GLIS3: variants seen among roughly 807,000 people sequenced by gnomAD.
GLIS3 encodes zinc finger protein GLIS3.
A neutral mutation model predicts 78.6 loss-of-function variants in GLIS3; 53 were observed. The ratio of observed to expected loss-of-function variants is 0.67; its 90% CI spans 0.54 to 0.85. The LOEUF (loss-of-function observed/expected upper bound fraction) is 0.85, where lower values mean the gene tolerates loss of function less well. Among genes scored for constraint, GLIS3 ranks in the 40% least tolerant of loss-of-function variants. The probability of loss-of-function intolerance (pLI) is 0.00; values close to 1 mark genes in which losing one functional copy is unlikely to be tolerated. For missense variants in GLIS3, 1,703 were observed against 1,231.1 expected, an observed-to-expected ratio of 1.38 and a Z score of -5.74; for synonymous variants, 684 against 509.9, an observed-to-expected ratio of 1.34 and a Z score of -4.60.
chr9:4,382,497 C>G, the GLIS3 span, among the ~76,000 whole-genome samples: 8 of 152,198 alleles, frequency 5.3e-5, no homozygotes, highest in East Asian at 5.8e-4. Context: ...TTACCTCACA[C>G]AAACATCATC....
At chr9:4,318,197 G>C (rs908136575) in intron 2 of GLIS3, among the ~76,000 whole-genome samples, 5 of 152,140 alleles carry the variant, frequency 3.3e-5, no homozygotes, top group Non-Finnish European at 5.9e-5. Context: ...TACAATGATG[G>C]AAAGTGGGGA....
In GLIS3 at chr9:4,159,279, T is replaced by A. The variant is rs369243560; in HGVS notation, c.389-33338A>T. The stretch of plus-strand genomic sequence containing the variant: ...GGGTCATATGTGAAACACTGGAGAG[T>A]TTTCTCGCATTTTGTACAATCTCTG... On this transcript the variant is annotated intron_variant, in intron 2 of 10. Coordinates refer to ENST00000381971, the MANE Select transcript of GLIS3 (RefSeq NM_001042413.2). Among the ~76,000 whole-genome samples the A allele has an allele frequency of 6.0e-5, 9 of 151,142 alleles. No individual in the cohort carries two copies. In the East Asian group the frequency reaches 1.6e-3, roughly 26 times the overall value.
chr9:4,119,024 G>T, intron 3 of GLIS3, 143 bp from the exon 4 acceptor site: 1 of 893,494 alleles, frequency 1.1e-6, no homozygotes, highest in Non-Finnish European at 1.7e-6. Context: ...ACACATTCTT[G>T]GGCTAAGATA....
intron 2 of GLIS3, among the ~76,000 whole-genome samples, chr9:4,328,149 T>C (rs948851361): frequency 6.6e-6 from 1 of 152,142 alleles, no homozygotes; most frequent in Non-Finnish European, 1.5e-5. Context: ...GGGGATCCAG[T>C]GCCAGTAAGT....
intron 2 of GLIS3, among the ~76,000 whole-genome samples, chr9:4,277,564 CTG>C (rs1356185550): frequency 3.3e-5 from 5 of 151,954 alleles, no homozygotes; most frequent in Non-Finnish European, 7.4e-5. Flanking sequence ...TGATATTATT[CTG>C]TCTTTTTTGT....
At chr9:4,002,654 C>T (rs1821204460) in intron 4 of GLIS3, among the ~76,000 whole-genome samples, 1 of 152,156 alleles carries the variant, frequency 6.6e-6, no homozygotes, top group East Asian at 1.9e-4. Context: ...GTCTTGCTGC[C>T]TCATTCTGCA....
intron 2 of GLIS3, among the ~76,000 whole-genome samples, chr9:4,149,163 C>T (rs1834470851): frequency 6.6e-6 from 1 of 152,170 alleles, no homozygotes; most frequent in Non-Finnish European, 1.5e-5. Flanking sequence ...TTCATCTATA[C>T]ATTAAAAATG....
the GLIS3 span, among the ~76,000 whole-genome samples, chr9:4,402,888 T>C: frequency 6.6e-6 from 1 of 151,776 alleles, no homozygotes; most frequent in East Asian, 1.9e-4. Context: ...GAAATAGGGG[T>C]AGAAAATTTA....
chr9:4,340,668 C>T lies in GLIS3; in HGVS notation n.264+6413G>A, dbSNP rs1020766885. On this transcript the variant is annotated intron_variant and non_coding_transcript_variant, in intron 2 of 4. Coordinates refer to the GLIS3 transcript ENST00000471664. Reference sequence around the variant, plus strand: ...TGAACCTGGAGACCGTTGTCGGAACCAGATCCCACCTGATTCTTGTTTTTG... The same window carrying T: ...TGAACCTGGAGACCGTTGTCGGAACTAGATCCCACCTGATTCTTGTTTTTG... Among the ~76,000 whole-genome samples the T allele has an allele frequency of 2.0e-5, 3 of 152,108 alleles. No homozygotes were observed. The South Asian group carries it at 6.2e-4, about 32-fold the overall frequency.
chr9:4,139,679 G>T (rs998863874), intron 2 of GLIS3, among the ~76,000 whole-genome samples: 3 of 151,408 alleles, frequency 2.0e-5, no homozygotes, highest in Non-Finnish European at 4.4e-5. Context: ...GGTGGGCACG[G>T]TTGGGTGGGG....
At chr9:4,367,648 A>AG in the GLIS3 span, among the ~76,000 whole-genome samples, 1 of 151,350 alleles carries the variant, frequency 6.6e-6, no homozygotes, top group Non-Finnish European at 1.5e-5. Context: ...AAAAAAAAAA[A>AG]AAAAAAAAAA....
chr9:4,221,681 G>A (rs1821341444), intron 2 of GLIS3, among the ~76,000 whole-genome samples: 1 of 152,108 alleles, frequency 6.6e-6, no homozygotes, highest in Non-Finnish European at 1.5e-5. Context: ...TTACCAGGGG[G>A]TTATACCAGA....
chr9:3,888,480 T>A (rs1822221871), intron 7 of GLIS3, among the ~76,000 whole-genome samples: 1 of 152,178 alleles, frequency 6.6e-6, no homozygotes, highest in African/African-American at 2.4e-5. Flanking sequence ...CTAGCCAAAG[T>A]CAAGGGATGA....
intron 2 of GLIS3, among the ~76,000 whole-genome samples, chr9:4,137,552 C>T (rs1021697506): frequency 6.7e-6 from 1 of 150,182 alleles, no homozygotes; most frequent in African/African-American, 2.5e-5. Flanking sequence ...CATGGAGCCT[C>T]AATCTTGCTC....
At chr9:3,836,911 TGTTA>T (rs1225638277) in intron 9 of GLIS3, among the ~76,000 whole-genome samples, 6 of 152,174 alleles carry the variant, frequency 3.9e-5, no homozygotes, top group African/African-American at 9.7e-5. Context: ...GCATTCTGCT[TGTTA>T]GTTAAGCCAG....
chr9:4,029,968 T>C (rs945328043), intron 4 of GLIS3, among the ~76,000 whole-genome samples: 5 of 152,182 alleles, frequency 3.3e-5, no homozygotes. Flanking sequence ...AGCAGTGGGA[T>C]TGATAGCTGG....
At chr9:4,290,660 G>A (rs1266054270) in intron 1 of GLIS3, among the ~76,000 whole-genome samples, 1 of 152,126 alleles carries the variant, frequency 6.6e-6, no homozygotes, top group Non-Finnish European at 1.5e-5. Context: ...ATTTAAATAA[G>A]CAGAATGTCC....
At chr9:3,917,575 A>G (rs537460346) in intron 6 of GLIS3, among the ~76,000 whole-genome samples, 1 of 152,112 alleles carries the variant, frequency 6.6e-6, no homozygotes, top group South Asian at 2.1e-4. Flanking sequence ...TTGTGAAGTG[A>G]CTTCTAAAAC....
intron 4 of GLIS3, among the ~76,000 whole-genome samples, chr9:3,988,374 G>A (rs1819941745): frequency 6.6e-6 from 1 of 152,124 alleles, no homozygotes; most frequent in African/African-American, 2.4e-5. Context: ...TTACTGTTAT[G>A]TTGATGACTG....
Sources: allele counts gnomAD v4.1 joint callset (sites outside exome capture counted in the v4.1 genomes callset), GRCh38; gene constraint gnomAD v4.1.1; transcripts MANE v1.5; gene names NCBI Gene and HGNC (gene_info 2026-07-23, HGNC 2026-07-21).